Variants in FMN1 observed in about 807,000 individuals in gnomAD.
FMN1 encodes formin-1.
In FMN1, 110 loss-of-function variants were observed where a neutral mutation model predicts 132.4. The observed-to-expected ratio is 0.83, with a 90% CI of 0.71 to 0.97. The LOEUF is 0.97. Among genes scored for constraint, FMN1 ranks in the 50% least tolerant of loss-of-function variants. FMN1 has a pLI of 0.00. For synonymous variants in FMN1, 722 were observed against 651.7 expected (o/e 1.11, Z -1.64); for missense variants, 1,792 against 1,705.3 (o/e 1.05, Z -0.90).
chr15:33,128,113 G>C (rs937707079), intron 4 of FMN1, among the ~76,000 whole-genome samples: 1 of 151,102 alleles, frequency 6.6e-6, no homozygotes, highest in South Asian at 2.1e-4. Context: ...AGAAGGGAGA[G>C]GAGACACCAT....
chr15:32,817,753 A>G (rs1258791), intron 17 of FMN1, among the ~76,000 whole-genome samples: 136,841 of 152,262 alleles, frequency 0.9, 61,507 homozygotes, highest in Admixed American at 0.92. Flanking sequence ...CTTCTAAGTC[A>G]AGGTGAAAGT....
intron 6 of FMN1, chr15:33,012,978 C>A: frequency 2.2e-6 from 1 of 454,920 alleles, no homozygotes; most frequent in Non-Finnish European, 4.3e-6. Flanking sequence ...GCTCTGGTTC[C>A]TATGATGGTG....
At chr15:33,022,354 G>C (rs2035456526) in intron 6 of FMN1, among the ~76,000 whole-genome samples, 1 of 152,144 alleles carries the variant, frequency 6.6e-6, no homozygotes, top group African/African-American at 2.4e-5. Context: ...GGTATGGAGG[G>C]GAGGCTGGGG....
At chr15:33,095,591 C>G (rs1357693191) in intron 4 of FMN1, among the ~76,000 whole-genome samples, 2 of 151,942 alleles carry the variant, frequency 1.3e-5, no homozygotes, top group Non-Finnish European at 2.9e-5. Context: ...GAGATAGACT[C>G]TTGCTGTGTT....
At chr15:33,004,866 T>G (rs1013095855) in intron 7 of FMN1, among the ~76,000 whole-genome samples, 1 of 152,226 alleles carries the variant, frequency 6.6e-6, no homozygotes, top group African/African-American at 2.4e-5. Context: ...CCATAAAAAA[T>G]GATGAGTTCA....
At chr15:32,776,375 T>C (rs1252381834) in intron 20 of FMN1, among the ~76,000 whole-genome samples, 1 of 152,216 alleles carries the variant, frequency 6.6e-6, no homozygotes, top group African/African-American at 2.4e-5. Flanking sequence ...ACCCAGAATC[T>C]GGTCCTGGCT....
intron 5 of FMN1, among the ~76,000 whole-genome samples, chr15:33,084,222 C>T (rs2038601960): frequency 6.6e-6 from 1 of 152,126 alleles, no homozygotes; most frequent in African/African-American, 2.4e-5. Context: ...ATGGACTTGC[C>T]CCAAATTCTC....
In FMN1 at chr15:32,968,865, G is replaced by A; in HGVS notation, c.2836C>T (p.Pro946Ser). 8.4e-7 allele frequency: 1 copy of A among 1,190,618 alleles called. No individual in the cohort carries two copies. The highest frequency in any genetic ancestry group is 1.2e-6 in the Non-Finnish European group (1 of 811,556). 73.8% of individuals were successfully genotyped at this position (1,190,618 alleles called of 1,614,324 possible). A position where few individuals can be genotyped will look rare whatever the true frequency, so the allele number is the denominator to read the frequency against. The change falls in exon 8 of 21, where the codon CCA becomes TCA. Residue 946 changes from proline to serine, a missense_variant. Around this residue, in one of 3 missense-constraint regions of FMN1, gnomAD observed 1,150 missense variants for 1,043.1 expected, o/e 1.10. Coordinates refer to ENST00000616417, the MANE Select transcript of FMN1 (RefSeq NM_001277313.2). ...GGGGGTGCAAGTCCTGGGGGTGGTG[G>A]AGCAGGAGGAGGCCCTCCAGGGTTG... ...PPNPGGPPPA[P>S]PPPGLAPPPP... is the part of the protein sequence containing the mutation.
At chr15:32,781,400 A>G (rs1002264426) in intron 19 of FMN1, among the ~76,000 whole-genome samples, 1 of 152,202 alleles carries the variant, frequency 6.6e-6, no homozygotes, top group African/African-American at 2.4e-5. Flanking sequence ...GCCCACATGC[A>G]CACGTTAGTT....
rs571290424 is a variant in FMN1 at position 32,977,875 on chromosome 15, T to C, written c.2224-8398A>G. Among the ~76,000 whole-genome samples the C allele has an allele frequency of 2.0e-5, 3 of 152,084 alleles. No individual in the cohort carries two copies. The East Asian group carries it at 5.8e-4, about 29-fold the overall frequency. ...AGATACAATTATTCTTTTTTTTTTTTTTTCTGAGACAGAGTCTCTGTAACC... is the reference window on the plus strand; with the variant it reads ...AGATACAATTATTCTTTTTTTTTTTCTTTCTGAGACAGAGTCTCTGTAACC... On this transcript the variant is annotated intron_variant, in intron 7 of 20. Coordinates refer to ENST00000616417, the MANE Select transcript of FMN1 (RefSeq NM_001277313.2).
At chr15:32,932,685 G>C (rs147274381) in intron 9 of FMN1, among the ~76,000 whole-genome samples, 2 of 152,168 alleles carry the variant, frequency 1.3e-5, no homozygotes, top group East Asian at 1.9e-4. Context: ...ACTTGTTACA[G>C]GTCTGTTCAG....
At position 33,005,667 on chromosome 15, in the gene FMN1, G is replaced by A. The variant is rs201195095; in HGVS notation, c.2223+2347C>T. Among the ~76,000 whole-genome samples the A allele has an allele frequency of 9.9e-5, 15 of 152,054 alleles. 1 individual carries two copies. The highest frequency in any genetic ancestry group is 3.1e-4 in the African/African-American group (13 of 41,380). On this transcript the variant is annotated intron_variant, in intron 7 of 20. Coordinates refer to ENST00000616417, the MANE Select transcript of FMN1 (RefSeq NM_001277313.2). ...ATATTATTCCACTGTCAAAGCCCTC[G>A]CCAGGCTGGTCTACAGTTTGTGGAA...
intron 3 of FMN1, among the ~76,000 whole-genome samples, chr15:33,172,798 AT>A (rs1471359242): frequency 6.6e-6 from 1 of 152,218 alleles, no homozygotes; most frequent in Non-Finnish European, 1.5e-5. Flanking sequence ...AAGACTGTCA[AT>A]ATTCTAGCTT....
intron 3 of FMN1, among the ~76,000 whole-genome samples, chr15:33,162,086 A>T (rs1964920375): frequency 6.6e-6 from 1 of 151,948 alleles, no homozygotes; most frequent in Non-Finnish European, 1.5e-5. Context: ...ATCTCAGCTC[A>T]CTGCAACCTC....
At chr15:32,950,370 T>C (rs11635841) in intron 9 of FMN1, among the ~76,000 whole-genome samples, 1,821 of 152,004 alleles carry the variant, frequency 0.012, 20 homozygotes, top group Non-Finnish European at 0.02. Context: ...CATTCTGTTA[T>C]AAAGACATAT....
intron 4 of FMN1, chr15:33,105,679 C>T (rs2039458158): frequency 6.6e-6 from 1 of 152,144 alleles, no homozygotes; most frequent in Non-Finnish European, 1.5e-5. Flanking sequence ...TTAATTACTT[C>T]CTGTTTTCTC....
chr15:33,177,409 G>T (rs1365787274), intron 3 of FMN1, among the ~76,000 whole-genome samples: 2 of 152,202 alleles, frequency 1.3e-5, no homozygotes, highest in Non-Finnish European at 2.9e-5. Flanking sequence ...GAAAAAAGCA[G>T]TGTCAGAAGG....
At chr15:32,782,952 GT>G (rs2056712728) in intron 19 of FMN1, among the ~76,000 whole-genome samples, 1 of 152,078 alleles carries the variant, frequency 6.6e-6, no homozygotes, top group Non-Finnish European at 1.5e-5. Context: ...CTAAACAGTG[GT>G]TACACATGGA....
chr15:33,048,021 C>A (rs1345488301), intron 6 of FMN1, among the ~76,000 whole-genome samples: 4 of 152,060 alleles, frequency 2.6e-5, no homozygotes, highest in Non-Finnish European at 4.4e-5. Context: ...GTGCTTAAAT[C>A]AAATATTTTG....
Sources: gnomAD v4.1 joint callset for allele counts (sites outside exome capture counted in the v4.1 genomes callset) on GRCh38, gnomAD v4.1.1 for gene constraint, gnomAD v4.1.1 regional missense constraint, MANE v1.5 for transcripts, NCBI Gene and HGNC (gene_info 2026-07-23, HGNC 2026-07-21) for gene names.